Variants in CCDC102B observed in about 807,000 individuals in gnomAD.
CCDC102B encodes coiled-coil domain containing 102B, also known as coiled-coil domain-containing protein 102B.
In CCDC102B, 75 loss-of-function variants were observed where a neutral mutation model predicts 57.4. That is an observed-to-expected ratio of 1.31 (90% CI 1.08 to 1.58). The LOEUF (loss-of-function observed/expected upper bound fraction) is 1.58, where lower values mean the gene tolerates loss of function less well. Among genes scored for constraint, CCDC102B ranks in the 40% most tolerant of loss-of-function variants. The pLI, the probability that CCDC102B is intolerant of heterozygous loss-of-function variation, is 0.00. For synonymous variants in CCDC102B, 206 were observed against 201.9 expected (o/e 1.02, Z -0.17); for missense variants, 636 against 582.6 (o/e 1.09, Z -0.94).
chr18:68,854,053 A>G (rs373119751), intron 4 of CCDC102B, among the ~76,000 whole-genome samples: 1 of 151,750 alleles, frequency 6.6e-6, no homozygotes, highest in South Asian at 2.1e-4. Flanking sequence ...AATCAAACAA[A>G]TATCAGGTAT....
chr18:68,815,162 C>A (rs768800568), intron 1 of CCDC102B, among the ~76,000 whole-genome samples: 4 of 152,072 alleles, frequency 2.6e-5, no homozygotes, highest in African/African-American at 4.8e-5. Context: ...GGTAAATTTT[C>A]TTTGATCACA....
intron 4 of CCDC102B, among the ~76,000 whole-genome samples, chr18:68,860,484 A>ACAAAAAG (rs2038699031): frequency 7.5e-6 from 1 of 133,508 alleles, no homozygotes; most frequent in Non-Finnish European, 1.6e-5. Flanking sequence ...ACAAAAAAAA[A>ACAAAAAG]AAAAGACACT....
In CCDC102B at chr18:68,899,425, C is replaced by CTATATA. The variant is rs142222036; in HGVS notation, c.1263+2010_1263+2015dup. 1.7e-4 allele frequency among the ~76,000 whole-genome samples: 25 copies of CTATATA among 146,850 alleles called. No individual in the cohort carries two copies. In the East Asian group the frequency reaches 1.8e-3, roughly 10 times the overall value. ...ACTACCATAGATGAATACCATGGTGCTATATATATATATATATACACACAC... is the reference window on the plus strand; with the variant it reads ...ACTACCATAGATGAATACCATGGTGCTATATATATATATATATATATATACACACAC... On this transcript the variant is annotated intron_variant, in intron 6 of 7. Coordinates refer to ENST00000360242, the MANE Select transcript of CCDC102B (RefSeq NM_024781.3).
intron 6 of CCDC102B, among the ~76,000 whole-genome samples, chr18:68,987,327 T>C (rs1599798678): frequency 6.6e-6 from 1 of 152,030 alleles, no homozygotes. Context: ...GGGAAAAGAC[T>C]CCCCATTCAA....
chr18:69,047,686 G>A (rs558135528), intron 7 of CCDC102B, among the ~76,000 whole-genome samples: 3 of 152,174 alleles, frequency 2.0e-5, no homozygotes, highest in African/African-American at 7.2e-5. Context: ...AACAACTTCA[G>A]CAAAGTTTCA....
chr18:69,041,057 C>A lies in CCDC102B; in HGVS notation c.1435-12973C>A, dbSNP rs995695049. Among the ~76,000 whole-genome samples the A allele has an allele frequency of 5.3e-4, 80 of 152,006 alleles. 1 individual carries two copies. The highest frequency in any genetic ancestry group is 7.9e-4 in the Non-Finnish European group (54 of 67,932). On this transcript the variant is annotated intron_variant, in intron 7 of 7. Transcript: ENST00000360242. ...GTTAGAGTAAAAAGAAATCAAGGCCCAAAGGAACATGCAAATTCATAAATA... is the reference window on the plus strand; with the variant it reads ...GTTAGAGTAAAAAGAAATCAAGGCCAAAAGGAACATGCAAATTCATAAATA...
intron 6 of CCDC102B, among the ~76,000 whole-genome samples, chr18:68,938,717 TTTTAA>T (rs929862781): frequency 1.3e-5 from 2 of 151,490 alleles, no homozygotes; most frequent in Non-Finnish European, 3.0e-5. Context: ...AAATATATTA[TTTTAA>T]TTTATTTTGG....
At chr18:68,735,734 T>C (rs1213010026) in intron 2 of CCDC102B, among the ~76,000 whole-genome samples, 2 of 152,220 alleles carry the variant, frequency 1.3e-5, no homozygotes, top group Non-Finnish European at 2.9e-5. Flanking sequence ...TCCAGGACTC[T>C]TTAACCAGAG....
chr18:68,765,330 AAAGAAAGAAAG>A (rs1568238847), intron 2 of CCDC102B, among the ~76,000 whole-genome samples: 3 of 87,584 alleles, frequency 3.4e-5, no homozygotes, highest in Non-Finnish European at 5.0e-5. Context: ...GGAAGGAAAG[AAAGAAAGAAAG>A]AAAGAAAGAA....
chr18:68,900,921 A>G (rs1027646916), intron 6 of CCDC102B, among the ~76,000 whole-genome samples: 2 of 152,176 alleles, frequency 1.3e-5, no homozygotes, highest in Admixed American at 6.6e-5. Flanking sequence ...CGGCTCTTCC[A>G]TGTGGGTGGG....
At chr18:68,778,742 G>A (rs1379963926) in intron 2 of CCDC102B, among the ~76,000 whole-genome samples, 1 of 151,976 alleles carries the variant, frequency 6.6e-6, no homozygotes, top group Non-Finnish European at 1.5e-5. Flanking sequence ...GGGAACTGGG[G>A]ATAAAAAGGT....
intron 2 of CCDC102B, among the ~76,000 whole-genome samples, chr18:68,756,383 G>A (rs1294355148): frequency 1.3e-5 from 2 of 152,006 alleles, no homozygotes; most frequent in Admixed American, 6.6e-5. Flanking sequence ...AGTAAGAAAG[G>A]CAATATAACA....
upstream of CCDC102B, among the ~76,000 whole-genome samples, chr18:68,794,949 T>C (rs1019929787): frequency 5.3e-5 from 8 of 149,688 alleles, no homozygotes; most frequent in Non-Finnish European, 7.4e-5. Flanking sequence ...AGCCTTCACA[T>C]GAGAAAGCTG....
At chr18:68,970,976 A>C (rs922919126) in intron 6 of CCDC102B, among the ~76,000 whole-genome samples, 2 of 152,012 alleles carry the variant, frequency 1.3e-5, no homozygotes, top group Admixed American at 6.6e-5. Context: ...ATGCATATAC[A>C]TGTATACAAA....
chr18:68,823,224 GT>G (rs1473168651), intron 1 of CCDC102B: 4 of 152,236 alleles, frequency 2.6e-5, no homozygotes, highest in African/African-American at 9.6e-5. Context: ...TTTTAGCTTA[GT>G]AAAAACTTCA....
At chr18:68,791,662 AG>A (rs2035466332) in intron 2 of CCDC102B, among the ~76,000 whole-genome samples, 1 of 151,908 alleles carries the variant, frequency 6.6e-6, no homozygotes, top group African/African-American at 2.4e-5. Flanking sequence ...GAGATTTTAA[AG>A]CACCTAATGT....
At chr18:69,055,214 T>C, downstream of CCDC102B, 1 of 891,666 alleles carries the variant, frequency 1.1e-6, no homozygotes, top group Non-Finnish European at 1.3e-6. Context: ...CCTTTGTCAT[T>C]CACTGAGTCT....
chr18:68,787,031 G>A (rs2035238881), intron 2 of CCDC102B, among the ~76,000 whole-genome samples: 1 of 151,316 alleles, frequency 6.6e-6, no homozygotes, highest in African/African-American at 2.4e-5. Flanking sequence ...AGAGTTTTTA[G>A]CATGAAGGGT....
At chr18:68,961,140 A>T (rs1221949730) in intron 6 of CCDC102B, among the ~76,000 whole-genome samples, 1 of 152,114 alleles carries the variant, frequency 6.6e-6, no homozygotes, top group Non-Finnish European at 1.5e-5. Flanking sequence ...TTGAAATGAA[A>T]AATGTTCCCA....
Sources: gnomAD v4.1 joint callset for allele counts (sites outside exome capture counted in the v4.1 genomes callset) on GRCh38, gnomAD v4.1.1 for gene constraint, MANE v1.5 for transcripts, NCBI Gene and HGNC (gene_info 2026-07-23, HGNC 2026-07-21) for gene names.